The following CHD8 variants were observed in gnomAD, a reference collection of about 807,000 sequenced individuals.
The protein encoded by CHD8 is chromodomain helicase DNA binding protein 8.
In CHD8, 31 loss-of-function variants were observed where a neutral mutation model predicts 279.2. The ratio of observed to expected loss-of-function variants is 0.11; its 90% CI spans 0.08 to 0.15. CHD8 has a LOEUF of 0.15. CHD8 is among the 10% of genes least tolerant of loss of function. The pLI, the probability that CHD8 is intolerant of heterozygous loss-of-function variation, is 1.00. For synonymous variants in CHD8, 1,081 were observed against 1,139.6 expected (o/e 0.95, Z 1.04); for missense variants, 2,146 against 3,230.5 (o/e 0.66, Z 8.14).
chr14:21,391,027 A>C lies in CHD8; in HGVS notation c.7102T>G (p.Cys2368Gly). 4 of 1,598,326 alleles carry C rather than the reference A, an allele frequency of 2.5e-6. No homozygotes were observed. Among genetic ancestry groups the C allele is most frequent in the Non-Finnish European group, 3.4e-6 (4 of 1,171,708 alleles). Residue 2368 changes from cysteine (C) to glycine (G), a missense_variant, in exon 37 of 38, where the codon TGT becomes GGT. Physicochemically the swap from Cys to Gly is radical, Grantham distance 159. Coordinates refer to ENST00000646647, the MANE Select transcript of CHD8 (RefSeq NM_001170629.2). ...EDRRKQKWQR[C>G]KKNNKAELNC... ...AATTCTGCCTTATTATTTTTTTTACATCTTTGCCACTTCTGTTTTCTGCGA... is the reference window on the plus strand; with the variant it reads ...AATTCTGCCTTATTATTTTTTTTACCTCTTTGCCACTTCTGTTTTCTGCGA...
intron 5 of CHD8, among the ~76,000 whole-genome samples, chr14:21,418,928 G>A (rs982309129): frequency 1.3e-5 from 2 of 152,244 alleles, no homozygotes; most frequent in Non-Finnish European, 2.9e-5. Context: ...GAACTGGACT[G>A]ACTACAAGGG....
chr14:21,422,987 C>T (rs1293726255), intron 5 of CHD8, among the ~76,000 whole-genome samples: 2 of 151,362 alleles, frequency 1.3e-5, no homozygotes, highest in East Asian at 3.9e-4. Flanking sequence ...TTTGGGAGGC[C>T]GAGGCAGGCA....
chr14:21,397,717 C>A, intron 27 of CHD8, 106 bp downstream of exon 27: 1 of 1,190,724 alleles, frequency 8.4e-7, no homozygotes. Flanking sequence ...AAGGATCTAT[C>A]ACTTTTGAGT....
In CHD8 at chr14:21,401,388, A is replaced by T; in HGVS notation, c.4173+15T>A. The T allele has an allele frequency of 6.6e-7, 1 of 1,506,796 alleles. No homozygotes were observed. The highest frequency in any genetic ancestry group is 9.0e-7 in the Non-Finnish European group (1 of 1,110,782). 93.3% of individuals were successfully genotyped at this position (1,506,796 alleles called of 1,614,324 possible). A position where few individuals can be genotyped will look rare whatever the true frequency, so the allele number is the denominator to read the frequency against. On this transcript the variant is annotated intron_variant, in intron 21 of 37. Transcript: ENST00000646647. ...GGTCTTCTGCGATACTTCCTCCCTAAAAGAAGAAACTCACCTTGCTGTTGA... is the reference window on the plus strand; with the variant it reads ...GGTCTTCTGCGATACTTCCTCCCTATAAGAAGAAACTCACCTTGCTGTTGA...
intron 1 of CHD8, chr14:21,437,109 GA>G: frequency 1.2e-6 from 1 of 868,098 alleles, no homozygotes; most frequent in Non-Finnish European, 1.6e-6. Context: ...TGTTAGGGCG[GA>G]AGCTGCAGGC....
intron 1 of CHD8, among the ~76,000 whole-genome samples, chr14:21,435,365 C>T (rs1889739170): frequency 6.6e-6 from 1 of 152,164 alleles, no homozygotes; most frequent in Non-Finnish European, 1.5e-5. Context: ...CACTTCATCT[C>T]CTTCTTAAAG....
chr14:21,396,114 A>G (rs1031689206), intron 27 of CHD8, among the ~76,000 whole-genome samples: 1 of 152,060 alleles, frequency 6.6e-6, no homozygotes, highest in African/African-American at 2.4e-5. Context: ...CTCCTCCCTC[A>G]GCCTCCTGAG....
At chr14:21,434,723 C>T (rs754726515) in intron 1 of CHD8, among the ~76,000 whole-genome samples, 1 of 152,088 alleles carries the variant, frequency 6.6e-6, no homozygotes, top group Non-Finnish European at 1.5e-5. Flanking sequence ...CCTATACTGA[C>T]CCAATTCATC....
intron 1 of CHD8, among the ~76,000 whole-genome samples, chr14:21,438,705 G>A (rs1329826110): frequency 2.0e-5 from 3 of 151,802 alleles, no homozygotes; most frequent in African/African-American, 7.3e-5. Flanking sequence ...AGTGGCATTC[G>A]CCTGTAGTCC....
At position 21,411,438 on chromosome 14, in the gene CHD8, G is replaced by A. The variant is rs531648164; in HGVS notation, c.2227-1450C>T. On this transcript the variant is annotated intron_variant, in intron 10 of 37. Transcript: ENST00000646647. The stretch of plus-strand genomic sequence containing the variant: ...GTAGAATAAACTTCGGAATTTTATA[G>A]AGGAAAGAATTTAACTCAGAGGTCC... Among the ~76,000 whole-genome samples, 4 of 152,322 alleles carry A rather than the reference G, an allele frequency of 2.6e-5. No individual in the cohort carries two copies. The South Asian group carries it at 6.2e-4, about 24-fold the overall frequency.
At chr14:21,452,513 C>T (rs1391987002) in intron 1 of CHD8, among the ~76,000 whole-genome samples, 1 of 151,394 alleles carries the variant, frequency 6.6e-6, no homozygotes, top group African/African-American at 2.4e-5. Flanking sequence ...GGCGTGGTGG[C>T]ACACGCCTTA....
intron 13 of CHD8, among the ~76,000 whole-genome samples, chr14:21,407,988 A>C (rs1888326263): frequency 6.6e-6 from 1 of 152,240 alleles, no homozygotes; most frequent in South Asian, 2.1e-4. Context: ...CACCGCATGG[A>C]TTAAGTGGCT....
At chr14:21,414,753 A>G in intron 8 of CHD8, 185 bp downstream of exon 8, 1 of 641,368 alleles carries the variant, frequency 1.6e-6, no homozygotes, top group East Asian at 2.8e-5. Context: ...CTTACCTACA[A>G]GGAAATAATA....
intron 5 of CHD8, chr14:21,416,188 G>A (rs1057485287): frequency 3.4e-5 from 11 of 321,832 alleles, no homozygotes; most frequent in Non-Finnish European, 4.5e-5. Flanking sequence ...GGATTCTCAG[G>A]CTGCAGGGTG....
At chr14:21,397,615 A>G (rs1025918574) in intron 27 of CHD8, 1 of 524,262 alleles carries the variant, frequency 1.9e-6, no homozygotes, top group Non-Finnish European at 3.5e-6. Context: ...AGCCATTTAC[A>G]AGTGACATTC....
chr14:21,424,048 A>G (rs1038069701), intron 5 of CHD8, among the ~76,000 whole-genome samples: 2 of 152,198 alleles, frequency 1.3e-5, no homozygotes, highest in South Asian at 2.1e-4. Flanking sequence ...AAGTGTACCA[A>G]TATTTTCCTT....
intron 37 of CHD8, 146 bp from the exon 38 acceptor site, chr14:21,386,322 T>G (rs1172006981): frequency 1.4e-6 from 1 of 690,924 alleles, no homozygotes; most frequent in African/African-American, 1.8e-5. Flanking sequence ...CTAGGCTTGA[T>G]TGGTGGTAAT....
intron 26 of CHD8, 45 bp downstream of exon 26, chr14:21,399,557 A>G: frequency 7.3e-7 from 1 of 1,369,196 alleles, no homozygotes; most frequent in Non-Finnish European, 1.0e-6. Context: ...ATCCGTGAAC[A>G]TAAATCTTCA....
rs142425667 is a variant in CHD8, at chr14:21,450,611, A to G, written c.-216+5421T>C. ...TGAGGTTGCAGTGAGCTATAATTGC[A>G]CCACTGCACTCCAGCCTACATAACA... On this transcript the variant is annotated intron_variant, in intron 1 of 37. Transcript: ENST00000646647. 8.4e-3 allele frequency among the ~76,000 whole-genome samples: 1,278 copies of G among 151,954 alleles called. 23 individuals are homozygous for G. The highest frequency in any genetic ancestry group is 0.029 in the African/African-American group (1,205 of 41,408).
Sources: allele counts gnomAD v4.1 joint callset (sites outside exome capture counted in the v4.1 genomes callset), GRCh38; gene constraint gnomAD v4.1.1; transcripts MANE v1.5; gene names NCBI Gene and HGNC (gene_info 2026-07-23, HGNC 2026-07-21).